The following HIVEP1 variants were observed in gnomAD, a reference collection of about 807,000 sequenced individuals.
The protein encoded by HIVEP1 is zinc finger protein 40.
Under a neutral mutation model 180.0 loss-of-function variants are expected in HIVEP1, and 36 were observed. The ratio of observed to expected loss-of-function variants is 0.20; its 90% CI spans 0.15 to 0.26. HIVEP1 has a LOEUF of 0.26. HIVEP1 is among the 10% of genes least tolerant of loss of function. The pLI is 1.00. For missense variants in HIVEP1, 3,143 were observed against 3,268.7 expected, an observed-to-expected ratio of 0.96 and a Z score of 0.94; for synonymous variants, 1,239 against 1,239.0, an observed-to-expected ratio of 1.00 and a Z score of 0.00.
chr6:12,099,250 C>T (rs551212317), intron 3 of HIVEP1, among the ~76,000 whole-genome samples: 131 of 149,536 alleles, frequency 8.8e-4, no homozygotes, highest in African/African-American at 3.0e-3. Flanking sequence ...GGCGGGATCT[C>T]GGCTCACTGC....
At chr6:12,104,305 G>GAT (rs1774279289) in intron 3 of HIVEP1, among the ~76,000 whole-genome samples, 1 of 148,074 alleles carries the variant, frequency 6.8e-6, no homozygotes, top group Non-Finnish European at 1.5e-5. Flanking sequence ...TTACTTTCTG[G>GAT]ATATTGTATC....
intron 2 of HIVEP1, among the ~76,000 whole-genome samples, chr6:12,047,350 G>A (rs17676641): frequency 0.19 from 28,645 of 152,166 alleles, 2,691 homozygotes; most frequent in Middle Eastern, 0.24. Context: ...AGTTTTAAAC[G>A]ACTGGAGACA....
chr6:12,017,075 G>A (rs896576595), intron 2 of HIVEP1, among the ~76,000 whole-genome samples: 1 of 152,076 alleles, frequency 6.6e-6, no homozygotes, highest in Non-Finnish European at 1.5e-5. Context: ...TATTTATTAG[G>A]CCATAAGTAT....
chr6:12,022,620 A>C (rs1362183651), intron 2 of HIVEP1, among the ~76,000 whole-genome samples: 1 of 152,222 alleles, frequency 6.6e-6, no homozygotes, highest in Non-Finnish European at 1.5e-5. Context: ...TGATATGGCA[A>C]ATGTAAGCAT....
chr6:12,168,240 T>TG (rs1562024802), downstream of HIVEP1, among the ~76,000 whole-genome samples: 1,116 of 89,372 alleles, frequency 0.012, 29 homozygotes, highest in African/African-American at 0.039. Context: ...TACATATATA[T>TG]TATATATACA....
chr6:12,130,822 A>C lies in HIVEP1; in HGVS notation c.6265A>C (p.Ile2089Leu). 6.2e-7 allele frequency: 1 copy of C among 1,611,964 alleles called. No individual in the cohort carries two copies. The highest frequency in any genetic ancestry group is 1.7e-5 in the Admixed American group (1 of 60,018). Residue 2089 changes from isoleucine (I) to leucine (L), a missense_variant, in exon 6 of 9, where the codon ATT becomes CTT. By Grantham distance (5) the Ile-to-Leu change is conservative. Around this residue, in one of 12 missense-constraint regions of HIVEP1, gnomAD observed 126 missense variants for 168.5 expected, o/e 0.75. Transcript: ENST00000379388. ...CCGAGGCAGGGGAAGAGGAAAATAC[A>C]TTTGTGAAGAATGTGGAATACGTTG... ...YVRGRGRGKYICEECGIRCKK... is the reference protein window; with the variant it reads ...YVRGRGRGKYLCEECGIRCKK...
At chr6:12,196,418 A>G in the HIVEP1 span, among the ~76,000 whole-genome samples, 1 of 152,160 alleles carries the variant, frequency 6.6e-6, no homozygotes, top group African/African-American at 2.4e-5. Flanking sequence ...CTCCATTTCT[A>G]TCATTACTCC....
chr6:12,152,020 G>GT (rs1157182999), intron 7 of HIVEP1, among the ~76,000 whole-genome samples: 1 of 152,106 alleles, frequency 6.6e-6, no homozygotes, highest in East Asian at 1.9e-4. Flanking sequence ...GCCAGGCATG[G>GT]TGGCGGGCAC....
intron 3 of HIVEP1, among the ~76,000 whole-genome samples, chr6:12,107,922 G>A (rs879900275): frequency 9.2e-5 from 14 of 152,126 alleles, no homozygotes; most frequent in Admixed American, 1.3e-4. Flanking sequence ...GGTTCTCCAC[G>A]TCCCCACCAG....
intron 3 of HIVEP1, among the ~76,000 whole-genome samples, chr6:12,100,064 A>T (rs1266219177): frequency 1.3e-5 from 2 of 152,208 alleles, no homozygotes; most frequent in African/African-American, 4.8e-5. Flanking sequence ...ACATCTTTGT[A>T]AACCTGGTGG....
At chr6:12,026,476 T>G (rs73724339) in intron 2 of HIVEP1, among the ~76,000 whole-genome samples, 5,401 of 152,236 alleles carry the variant, frequency 0.035, 304 homozygotes, top group African/African-American at 0.12. Flanking sequence ...CAGAAGTGAT[T>G]GTTGGTTTAG....
At chr6:12,173,731 C>G in the HIVEP1 span, among the ~76,000 whole-genome samples, 3 of 152,142 alleles carry the variant, frequency 2.0e-5, no homozygotes, top group African/African-American at 4.8e-5. Flanking sequence ...GACAAGACAT[C>G]TTTCATTCAT....
the HIVEP1 span, among the ~76,000 whole-genome samples, chr6:12,198,044 G>A: frequency 6.6e-6 from 1 of 152,226 alleles, no homozygotes; most frequent in East Asian, 1.9e-4. Flanking sequence ...GTGACTAGGA[G>A]AATGCTATTG....
intron 7 of HIVEP1, among the ~76,000 whole-genome samples, chr6:12,151,371 C>CT (rs965570191): frequency 4.7e-4 from 72 of 152,230 alleles, no homozygotes; most frequent in African/African-American, 1.6e-3. Flanking sequence ...TCTAGAGTCT[C>CT]TGATGGCTGC....
chr6:12,166,936 C>T (rs1185572017), downstream of HIVEP1, among the ~76,000 whole-genome samples: 1 of 152,154 alleles, frequency 6.6e-6, no homozygotes, highest in Non-Finnish European at 1.5e-5. Context: ...GCTGAAGAAC[C>T]ACAGGTCGTT....
At chr6:12,126,073 A>G (rs79241594) in intron 4 of HIVEP1, among the ~76,000 whole-genome samples, 5 of 152,214 alleles carry the variant, frequency 3.3e-5, no homozygotes, top group Admixed American at 1.3e-4. Flanking sequence ...CAGTGATTCT[A>G]TCTTGAAAGA....
intron 2 of HIVEP1, among the ~76,000 whole-genome samples, chr6:12,039,421 G>A (rs1290515399): frequency 6.6e-6 from 1 of 152,186 alleles, no homozygotes; most frequent in Non-Finnish European, 1.5e-5. Context: ...TGGAAGCTAT[G>A]CAGGTAAACA....
intron 2 of HIVEP1, among the ~76,000 whole-genome samples, chr6:12,066,244 G>A (rs570594583): frequency 1.1e-4 from 16 of 152,306 alleles, no homozygotes; most frequent in Non-Finnish European, 1.9e-4. Flanking sequence ...GTGTTTTGCT[G>A]TGTATTTTAC....
At chr6:12,175,368 G>A in the HIVEP1 span, among the ~76,000 whole-genome samples, 1 of 152,238 alleles carries the variant, frequency 6.6e-6, no homozygotes, top group East Asian at 1.9e-4. Flanking sequence ...GGGCAAAAGT[G>A]CCAACATGAG....
Sources: allele counts gnomAD v4.1 joint callset (sites outside exome capture counted in the v4.1 genomes callset), GRCh38; gene constraint gnomAD v4.1.1; regional missense constraint gnomAD v4.1.1; transcripts MANE v1.5; gene names NCBI Gene and HGNC (gene_info 2026-07-23, HGNC 2026-07-21).